The following TMCC1 variants were observed in gnomAD, a reference collection of about 807,000 sequenced individuals.
TMCC1 encodes transmembrane and coiled-coil domains protein 1.
In TMCC1, 15 loss-of-function variants were observed where a neutral mutation model predicts 52.4. That is an observed-to-expected ratio of 0.29 (90% CI 0.19 to 0.44). The LOEUF (loss-of-function observed/expected upper bound fraction) is 0.44, where lower values mean the gene tolerates loss of function less well. Among genes scored for constraint, TMCC1 ranks in the 20% least tolerant of loss-of-function variants. TMCC1 has a pLI of 1.00. For synonymous variants in TMCC1, 279 were observed against 301.9 expected (o/e 0.92, Z 0.79); for missense variants, 503 against 806.0 (o/e 0.62, Z 4.55).
At chr3:129,852,515 T>C (rs969832356) in intron 2 of TMCC1, among the ~76,000 whole-genome samples, 1 of 132,218 alleles carries the variant, frequency 7.6e-6, no homozygotes, top group Non-Finnish European at 1.6e-5. Flanking sequence ...ACAACGAAGA[T>C]GAACCTTTAG....
intron 4 of TMCC1, among the ~76,000 whole-genome samples, chr3:129,691,450 AC>A (rs1341915642): frequency 6.6e-6 from 1 of 152,052 alleles, no homozygotes; most frequent in South Asian, 2.1e-4. Context: ...AAGTTGTAGA[AC>A]TAAAGCCATA....
intron 4 of TMCC1, chr3:129,688,407 C>A: frequency 1.0e-6 from 1 of 985,454 alleles, no homozygotes; most frequent in South Asian, 4.7e-5. Context: ...AGGACAGCTA[C>A]CACTGGGAAT....
chr3:129,785,087 AG>A (rs2055889465), intron 4 of TMCC1, among the ~76,000 whole-genome samples: 1 of 152,184 alleles, frequency 6.6e-6, no homozygotes, highest in Admixed American at 6.5e-5. Context: ...TTGGAGGAAA[AG>A]TTTTCCAGGT....
Position 129,691,916 on chromosome 3 carries a change from T to C in TMCC1, c.577-20652A>G, listed in dbSNP as rs966045532. Among the ~76,000 whole-genome samples the C allele has an allele frequency of 4.2e-4, 64 of 152,248 alleles. 1 individual carries two copies. The highest frequency in any genetic ancestry group is 1.3e-4 in the Non-Finnish European group (9 of 67,998). On this transcript the variant is annotated intron_variant, in intron 4 of 6. Coordinates refer to ENST00000393238, the MANE Select transcript of TMCC1 (RefSeq NM_001017395.5). ...CGTTTTACAGAGCTAAATAAGCACATATATATATGTCAAACATCCCTACAA... is the reference window on the plus strand; with the variant it reads ...CGTTTTACAGAGCTAAATAAGCACACATATATATGTCAAACATCCCTACAA...
intron 4 of TMCC1, among the ~76,000 whole-genome samples, chr3:129,795,555 G>A (rs1017909137): frequency 6.6e-6 from 1 of 152,278 alleles, no homozygotes; most frequent in East Asian, 1.9e-4. Context: ...CCTACTATGT[G>A]CAGTCACTAT....
chr3:129,649,861 C>A lies in TMCC1; in HGVS notation c.*1620G>T, dbSNP rs1385333377. The stretch of plus-strand genomic sequence containing the variant: ...ATAAACTCTAAATGTTCAAGTTCCA[C>A]CAGGATGATGGAACTGGTTATGCGA... On this transcript the variant is annotated 3_prime_UTR_variant, in exon 7 of 7. Transcript: ENST00000393238. 6.6e-6 allele frequency: 1 copy of A among 152,432 alleles called. No homozygotes were observed. The highest frequency in any genetic ancestry group is 6.5e-5 in the Admixed American group (1 of 15,268). The allele number at this position is 152,432 out of a possible 1,614,324, so 9.4% of individuals were successfully genotyped here. A position where few individuals can be genotyped will look rare whatever the true frequency, so the allele number is the denominator to read the frequency against.
intron 6 of TMCC1, among the ~76,000 whole-genome samples, chr3:129,652,001 C>T (rs2086361535): frequency 6.6e-6 from 1 of 152,244 alleles, no homozygotes; most frequent in South Asian, 2.1e-4. Flanking sequence ...CACTGCATTC[C>T]AGTGGGATGA....
intron 4 of TMCC1, among the ~76,000 whole-genome samples, chr3:129,727,024 GTTCT>G (rs1306990064): frequency 1.3e-5 from 2 of 151,540 alleles, no homozygotes; most frequent in African/African-American, 4.9e-5. Flanking sequence ...CTCCATTTCT[GTTCT>G]TTCTACTAAA....
At chr3:129,716,163 T>C (rs1452438926) in intron 4 of TMCC1, among the ~76,000 whole-genome samples, 4 of 5,530 alleles carry the variant, frequency 7.2e-4, no homozygotes, top group Non-Finnish European at 2.9e-3. Flanking sequence ...TTCTTTTTTC[T>C]TTGTTTTTTT....
intron 4 of TMCC1, among the ~76,000 whole-genome samples, chr3:129,682,748 C>T (rs567472225): frequency 1.3e-5 from 2 of 152,326 alleles, no homozygotes; most frequent in South Asian, 2.1e-4. Context: ...TCAAAAATAC[C>T]TGTCTCCTTA....
intron 2 of TMCC1, chr3:129,847,717 C>T (rs958785416): frequency 6.6e-6 from 1 of 152,184 alleles, no homozygotes; most frequent in African/African-American, 2.4e-5. Flanking sequence ...AATCGTATGG[C>T]ATCTTCACAT....
intron 4 of TMCC1, chr3:129,818,790 A>C (rs2058260915): frequency 6.6e-6 from 1 of 152,228 alleles, no homozygotes; most frequent in Non-Finnish European, 1.5e-5. Flanking sequence ...ATTCTGAAGA[A>C]TATGGCTATA....
At chr3:129,886,591 TG>T (rs1286614988) in intron 1 of TMCC1, among the ~76,000 whole-genome samples, 1 of 152,168 alleles carries the variant, frequency 6.6e-6, no homozygotes, top group African/African-American at 2.4e-5. Context: ...AATGAAGTAC[TG>T]ATACTTGCTA....
At chr3:129,822,774 A>T (rs2058480844) in intron 4 of TMCC1, among the ~76,000 whole-genome samples, 1 of 152,138 alleles carries the variant, frequency 6.6e-6, no homozygotes, top group Non-Finnish European at 1.5e-5. Context: ...GGACCTGTAA[A>T]ATCAGGAGTT....
At chr3:129,840,381 C>T (rs956923552) in intron 2 of TMCC1, among the ~76,000 whole-genome samples, 34 of 149,224 alleles carry the variant, frequency 2.3e-4, no homozygotes, top group Non-Finnish European at 3.7e-4. Context: ...AAGAAGCCTG[C>T]TAAGCAAAGA....
At chr3:129,771,775 A>AG (rs1491329702) in intron 4 of TMCC1, among the ~76,000 whole-genome samples, 1 of 63,606 alleles carries the variant, frequency 1.6e-5, no homozygotes, top group Non-Finnish European at 2.7e-5. Context: ...ACACTGTCTC[A>AG]AAAAAAAAAA....
At chr3:129,681,018 T>G (rs908107056) in intron 4 of TMCC1, among the ~76,000 whole-genome samples, 2 of 152,106 alleles carry the variant, frequency 1.3e-5, no homozygotes, top group Non-Finnish European at 2.9e-5. Flanking sequence ...CAAGGTGCTA[T>G]AGGAGATATG....
intron 4 of TMCC1, among the ~76,000 whole-genome samples, chr3:129,731,306 G>A (rs901119611): frequency 5.9e-5 from 9 of 152,290 alleles, no homozygotes; most frequent in East Asian, 3.9e-4. Context: ...GGCTGGACGC[G>A]GTGGCTCACA....
chr3:129,683,317 A>AAT (rs2089158457), intron 4 of TMCC1, among the ~76,000 whole-genome samples: 1 of 152,164 alleles, frequency 6.6e-6, no homozygotes, highest in Non-Finnish European at 1.5e-5. Context: ...TCTTTTTCTA[A>AAT]CTTGCTTTCC....
Sources: allele counts gnomAD v4.1 joint callset (sites outside exome capture counted in the v4.1 genomes callset), GRCh38; gene constraint gnomAD v4.1.1; transcripts MANE v1.5; gene names NCBI Gene and HGNC (gene_info 2026-07-23, HGNC 2026-07-21).